The following VAPB variants were observed in gnomAD, a reference collection of about 807,000 sequenced individuals.
The protein encoded by VAPB is VAMP associated protein B and C.
A neutral mutation model predicts 25.6 loss-of-function variants in VAPB; 7 were observed. That is an observed-to-expected ratio of 0.27 (90% CI 0.16 to 0.51). The LOEUF is 0.51. Ranked by LOEUF, VAPB falls within the 20% of genes least tolerant of loss-of-function variation. The pLI is 0.97. For missense variants in VAPB, 266 were observed against 301.3 expected (o/e 0.88, Z 0.87); for synonymous variants, 112 against 109.2 (o/e 1.03, Z -0.16).
chr20:58,416,417 T>TA (rs1988540425), intron 1 of VAPB, among the ~76,000 whole-genome samples: 1 of 68,904 alleles, frequency 1.5e-5, no homozygotes, highest in African/African-American at 5.6e-5. Context: ...CACAACTTCA[T>TA]AAGGGGGAGA....
In VAPB at chr20:58,445,896, C is replaced by T. The variant is rs1243379481; in HGVS notation, c.*1661C>T. The T allele has an allele frequency of 2.2e-6, 1 of 454,000 alleles. No individual in the cohort carries two copies. The highest frequency in any genetic ancestry group is 1.6e-5 in the South Asian group (1 of 64,466). The allele number at this position is 454,000 out of a possible 1,614,324, so 28.1% of individuals were successfully genotyped here. ...GTAACGGGCGTTCTGGGCACAGTCC[C>T]ACTGTGCACAGGTTTGAGAGGACAA... On this transcript the variant is annotated 3_prime_UTR_variant, in exon 6 of 6. Transcript: ENST00000475243.
intron 1 of VAPB, among the ~76,000 whole-genome samples, chr20:58,392,385 A>T (rs1219487479): frequency 6.6e-6 from 1 of 152,190 alleles, no homozygotes; most frequent in Non-Finnish European, 1.5e-5. Flanking sequence ...AAGTCACTGG[A>T]TATTTTTGCT....
At position 58,414,972 on chromosome 20, in the gene VAPB, C is replaced by T. The variant is rs567358011; in HGVS notation, c.59-3239C>T. Reference sequence around the variant, plus strand: ...GTGAACGAGACTCCGCCTGCAATCCCGGCACGTCGGGAGGCCGAGGCCGGC... The same window carrying T: ...GTGAACGAGACTCCGCCTGCAATCCTGGCACGTCGGGAGGCCGAGGCCGGC... On this transcript the variant is annotated intron_variant, in intron 1 of 5. Transcript: ENST00000475243. 3.3e-5 allele frequency among the ~76,000 whole-genome samples: 5 copies of T among 152,402 alleles called. No homozygotes were observed. The East Asian group carries it at 7.7e-4, about 24-fold the overall frequency.
At chr20:58,392,914 G>A (rs1987843541) in intron 1 of VAPB, among the ~76,000 whole-genome samples, 1 of 152,188 alleles carries the variant, frequency 6.6e-6, no homozygotes, top group Non-Finnish European at 1.5e-5. Context: ...AGAAAGCCTG[G>A]TGGCTTCCTG....
At chr20:58,426,888 A>T (rs927671147) in intron 2 of VAPB, among the ~76,000 whole-genome samples, 1 of 152,244 alleles carries the variant, frequency 6.6e-6, no homozygotes. Flanking sequence ...ATTAAAAAAA[A>T]GTGAAGCATG....
chr20:58,441,703 A>C (rs549112558), intron 5 of VAPB, among the ~76,000 whole-genome samples: 1 of 152,360 alleles, frequency 6.6e-6, no homozygotes, highest in Non-Finnish European at 1.5e-5. Context: ...ATTGAAAATA[A>C]ATGTTGAGAC....
At chr20:58,400,167 C>T (rs1988062523) in intron 1 of VAPB, among the ~76,000 whole-genome samples, 1 of 152,130 alleles carries the variant, frequency 6.6e-6, no homozygotes, top group Non-Finnish European at 1.5e-5. Context: ...ATCTGTGGTT[C>T]CTAGCATTGC....
At chr20:58,401,288 T>G (rs1988089824) in intron 1 of VAPB, among the ~76,000 whole-genome samples, 1 of 152,224 alleles carries the variant, frequency 6.6e-6, no homozygotes, top group Admixed American at 6.5e-5. Context: ...GTATTGTCCC[T>G]TCCACCTTTA....
chr20:58,407,278 T>C (rs1988254636), intron 1 of VAPB, among the ~76,000 whole-genome samples: 1 of 152,218 alleles, frequency 6.6e-6, no homozygotes, highest in African/African-American at 2.4e-5. Flanking sequence ...ACATGGGTCT[T>C]TGTCTTGAGT....
chr20:58,389,619 C>T, intron 1 of VAPB, 102 bp downstream of exon 1: 4 of 1,291,704 alleles, frequency 3.1e-6, no homozygotes, highest in Non-Finnish European at 4.1e-6. Flanking sequence ...GTCCCCACCC[C>T]GACGGCGCTG....
chr20:58,444,742 G>C lies in VAPB; in HGVS notation c.*507G>C. ...TCCAAGCCATCAGCTCCTTGGGACT[G>C]ATGAACAGAGTCAGAAGCCCAAAGG... On this transcript the variant is annotated 3_prime_UTR_variant, in exon 6 of 6. Coordinates refer to ENST00000475243, the MANE Select transcript of VAPB (RefSeq NM_004738.5). The C allele has an allele frequency of 2.2e-6, 1 of 454,552 alleles. No individual in the cohort carries two copies. The highest frequency in any genetic ancestry group is 4.4e-6 in the Non-Finnish European group (1 of 226,830). The allele number at this position is 454,552 out of a possible 1,614,324, so 28.2% of individuals were successfully genotyped here.
At chr20:58,418,182 C>G (rs1297539894) in intron 1 of VAPB, 29 bp from the exon 2 acceptor site, 15 of 1,613,784 alleles carry the variant, frequency 9.3e-6, no homozygotes, top group Non-Finnish European at 1.3e-5. Flanking sequence ...CTCATGAGAC[C>G]CCCAATCAGT....
At chr20:58,396,448 A>G (rs1987960997) in intron 1 of VAPB, among the ~76,000 whole-genome samples, 1 of 152,164 alleles carries the variant, frequency 6.6e-6, no homozygotes, top group Non-Finnish European at 1.5e-5. Context: ...AGTGTTTTTC[A>G]TCTTTTAGCT....
At position 58,414,245 on chromosome 20, in the gene VAPB, T is replaced by C. The variant is rs866249039; in HGVS notation, c.59-3966T>C. On this transcript the variant is annotated intron_variant, in intron 1 of 5. Coordinates refer to ENST00000475243, the MANE Select transcript of VAPB (RefSeq NM_004738.5). ...GGGGCTGACCCCCCAACCTCCCTCCTGGACGGGGCGGCTGGCGGGGCGTGG... is the reference window on the plus strand; with the variant it reads ...GGGGCTGACCCCCCAACCTCCCTCCCGGACGGGGCGGCTGGCGGGGCGTGG... Among the ~76,000 whole-genome samples the C allele has an allele frequency of 4.0e-3, 472 of 117,208 alleles. 2 individuals carry two copies. Among genetic ancestry groups the C allele is most frequent in the Middle Eastern group, 0.024 (4 of 164 alleles). The allele number at this position is 117,208 out of a possible 152,430, so 76.9% of individuals were successfully genotyped here. A position where few individuals can be genotyped will look rare whatever the true frequency, so the allele number is the denominator to read the frequency against.
chr20:58,410,743 G>C (rs1322047922), intron 1 of VAPB, among the ~76,000 whole-genome samples: 1 of 151,954 alleles, frequency 6.6e-6, no homozygotes, highest in Non-Finnish European at 1.5e-5. Flanking sequence ...TCTTTTTATT[G>C]TCTCTGTAGT....
chr20:58,425,916 A>G (rs1007605533), intron 2 of VAPB, among the ~76,000 whole-genome samples: 2 of 152,098 alleles, frequency 1.3e-5, no homozygotes, highest in African/African-American at 4.8e-5. Context: ...TATTTTTGAC[A>G]AAGTCTCTCT....
At chr20:58,414,479 C>T (rs1988481719) in intron 1 of VAPB, among the ~76,000 whole-genome samples, 1 of 150,846 alleles carries the variant, frequency 6.6e-6, no homozygotes, top group South Asian at 2.1e-4. Context: ...GGGGCGGTTG[C>T]CGGGCAGAGG....
In VAPB at chr20:58,444,854, C is replaced by T. The variant is rs1383897291; in HGVS notation, c.*619C>T. ...GACCCAGCGCTTTGGAAATAAATGG[C>T]AGTGCTTTGTTCACTTAAAGGGACC... is the stretch of plus-strand genomic sequence containing the variant. On this transcript the variant is annotated 3_prime_UTR_variant, in exon 6 of 6. Coordinates refer to ENST00000475243, the MANE Select transcript of VAPB (RefSeq NM_004738.5). The T allele has an allele frequency of 2.2e-6, 1 of 454,562 alleles. No individual in the cohort carries two copies. Among genetic ancestry groups the T allele is most frequent in the South Asian group, 1.6e-5 (1 of 64,482 alleles). 28.2% of individuals were successfully genotyped at this position (454,562 alleles called of 1,614,324 possible).
At chr20:58,414,448 G>A (rs1187762360) in intron 1 of VAPB, among the ~76,000 whole-genome samples, 1 of 151,156 alleles carries the variant, frequency 6.6e-6, no homozygotes, top group African/African-American at 2.4e-5. Context: ...GCCGGGCGGA[G>A]GGTCTCCCCA....
Sources: allele counts gnomAD v4.1 joint callset (sites outside exome capture counted in the v4.1 genomes callset), GRCh38; gene constraint gnomAD v4.1.1; transcripts MANE v1.5; gene names NCBI Gene and HGNC (gene_info 2026-07-23, HGNC 2026-07-21).